FIBP: variants seen among roughly 807,000 people sequenced by gnomAD.
FIBP encodes the protein FGF1 intracellular binding protein.
Under a neutral mutation model 40.5 loss-of-function variants are expected in FIBP, and 29 were observed. That is an observed-to-expected ratio of 0.72 (90% CI 0.53 to 0.98). The LOEUF is 0.98. Ranked by LOEUF, FIBP falls within the 50% of genes least tolerant of loss-of-function variation. The probability of loss-of-function intolerance (pLI) is 0.00; values close to 1 mark genes in which losing one functional copy is unlikely to be tolerated. For synonymous variants in FIBP, 215 were observed against 191.1 expected (o/e 1.13, Z -1.03); for missense variants, 411 against 470.2 (o/e 0.87, Z 1.16).
At chr11:65,884,760 C>T in intron 7 of FIBP, 104 bp from the exon 8 acceptor site, 1 of 1,347,232 alleles carries the variant, frequency 7.4e-7, no homozygotes, top group Non-Finnish European at 1.1e-6. Flanking sequence ...GATCCATCCA[C>T]CTCCCTCCAT....
Position 65,884,057 on chromosome 11 carries a change from A to C in FIBP, c.1005-14T>G. On this transcript the variant is annotated splice_polypyrimidine_tract_variant and intron_variant, in intron 9 of 9. Coordinates refer to ENST00000357519, the MANE Select transcript of FIBP (RefSeq NM_004214.5). ...AGGGCCTGGTGTCTGTAAGAACATG[A>C]ACAGTGACAGCTGAGTTTTCACAAC... The C allele has an allele frequency of 6.2e-7, 1 of 1,610,134 alleles. No individual in the cohort carries two copies. The highest frequency in any genetic ancestry group is 8.5e-7 in the Non-Finnish European group (1 of 1,177,210).
At chr11:65,887,259 A>G (rs1413458220) in intron 3 of FIBP, 3 of 365,406 alleles carry the variant, frequency 8.2e-6, no homozygotes, top group Non-Finnish European at 1.6e-5. Flanking sequence ...AAGCCTGGCC[A>G]ACATGGTGAA....
intron 9 of FIBP, 128 bp downstream of exon 9, chr11:65,884,264 T>C (rs1860168285): frequency 1.5e-5 from 13 of 885,244 alleles, no homozygotes; most frequent in Middle Eastern, 2.8e-4. Flanking sequence ...GCCAGAGCTT[T>C]GGTCCAGAGA....
Position 65,887,705 on chromosome 11 carries a change from G to T in FIBP, c.306C>A (p.Ala102=). The change falls in exon 3 of 10, where the codon GCC becomes GCA. Residue 102 remains alanine, a synonymous_variant. Coordinates refer to ENST00000357519, the MANE Select transcript of FIBP (RefSeq NM_004214.5). ...LIERYYAFDE[A]FVREVLGKKL... is the part of the protein sequence containing the mutation. ...TCTTGCCCAGCACCTCCCGAACAAA[G>T]GCCTCATCAAAGGCATAGTACCTTG... The T allele has an allele frequency of 1.2e-6, 2 of 1,614,116 alleles. No homozygotes were observed. The highest frequency in any genetic ancestry group is 1.7e-6 in the Non-Finnish European group (2 of 1,180,034).
At position 65,885,072 on chromosome 11, in the gene FIBP, G is replaced by C; in HGVS notation, c.755+6C>G. The C allele has an allele frequency of 6.2e-7, 1 of 1,613,834 alleles. No individual in the cohort carries two copies. Among genetic ancestry groups the C allele is most frequent in the Non-Finnish European group, 8.5e-7 (1 of 1,179,722 alleles). ...GGCCCCGCCCCATGGGCCCCTACAAGGTCACCTCTTGTGCAGGTCCAGAAG... is the reference window on the plus strand; with the variant it reads ...GGCCCCGCCCCATGGGCCCCTACAACGTCACCTCTTGTGCAGGTCCAGAAG... On this transcript the variant is annotated splice_donor_region_variant and intron_variant, in intron 6 of 9. Coordinates refer to ENST00000357519, the MANE Select transcript of FIBP (RefSeq NM_004214.5).
intron 3 of FIBP, chr11:65,887,171 G>C (rs1338742846): frequency 5.9e-6 from 2 of 337,144 alleles, no homozygotes; most frequent in African/African-American, 2.2e-5. Flanking sequence ...AGGGAGCCAG[G>C]CACGGTGGCT....
At position 65,887,639 on chromosome 11, in the gene FIBP, G is replaced by A. The variant is rs1013707722; in HGVS notation, c.372C>T (p.Ser124=). ...TCTTGAGGGTGATGCCTGTTTTGGT[G>A]CTGATGTCATCCAGGTCTTTCTTGG... is the stretch of plus-strand genomic sequence containing the variant. ...KGTKKDLDDI[S]TKTGITLKSC... Residue 124 remains serine (S), a synonymous_variant, in exon 3 of 10, where the codon AGC becomes AGT. Transcript: ENST00000357519. 10 of 1,614,018 alleles carry A rather than the reference G, an allele frequency of 6.2e-6. No homozygotes were observed. In the African/African-American group the frequency reaches 1.3e-4, roughly 22 times the overall value.
In FIBP at chr11:65,888,402, T is replaced by C; in HGVS notation, c.17A>G (p.Asp6Gly). The C allele has an allele frequency of 6.4e-7, 1 of 1,567,030 alleles. No individual in the cohort carries two copies. The highest frequency in any genetic ancestry group is 1.9e-5 in the Admixed American group (1 of 53,592). MTSEL[D>G]IFVGNTTLID... ...AAGGGTCGTGTTCCCCACGAAGATG[T>C]CCAGCTCACTGGTCATGGCGACGCC... Residue 6 changes from aspartate to glycine, a missense_variant, in exon 1 of 10, where the codon GAC becomes GGC. Transcript: ENST00000357519.
chr11:65,883,962 T>G lies in FIBP; in HGVS notation c.*12A>C. On this transcript the variant is annotated 3_prime_UTR_variant, in exon 10 of 10. Coordinates refer to ENST00000357519, the MANE Select transcript of FIBP (RefSeq NM_004214.5). ...CTTTATTGTCAGCGTGGGCGGAGCG[T>G]TGGGAGGCACCTCAGTCATGATACA... 4 of 1,613,078 alleles carry G rather than the reference T, an allele frequency of 2.5e-6. No homozygotes were observed. The highest frequency in any genetic ancestry group is 3.4e-6 in the Non-Finnish European group (4 of 1,179,290).
At chr11:65,885,831 G>T in intron 4 of FIBP, 168 bp from the exon 5 acceptor site, 1 of 666,420 alleles carries the variant, frequency 1.5e-6, no homozygotes. Flanking sequence ...TCTGTGCGAA[G>T]AGAAGGTTCC....
chr11:65,887,566 T>C (rs748131179), intron 3 of FIBP, 34 bp downstream of exon 3: 7 of 1,612,402 alleles, frequency 4.3e-6, no homozygotes, highest in Non-Finnish European at 5.1e-6. Context: ...GAAGTGTAGA[T>C]GGGATGCTGT....
At chr11:65,886,125 C>T (rs1860229193) in intron 4 of FIBP, 197 bp downstream of exon 4, 1 of 530,498 alleles carries the variant, frequency 1.9e-6, no homozygotes, top group East Asian at 3.1e-5. Flanking sequence ...AAGATTGCAC[C>T]ATTGCATTCC....
At chr11:65,887,826 C>G (rs1860279087) in intron 2 of FIBP, 100 bp from the exon 3 acceptor site, 2 of 1,594,430 alleles carry the variant, frequency 1.3e-6, no homozygotes, top group African/African-American at 2.7e-5. Flanking sequence ...CCACTCTCAA[C>G]TTTCTGATGG....
chr11:65,888,134 T>G lies in FIBP; in HGVS notation c.86-2A>C, dbSNP rs1249676183. The stretch of plus-strand genomic sequence containing the variant: ...CCCGCAGGGCCACCGCGTCGGTCAC[T>G]GGAAAGCGGACGCTAGCATCAGGCC... On this transcript the variant is annotated splice_acceptor_variant, in intron 1 of 9. Coordinates refer to ENST00000357519, the MANE Select transcript of FIBP (RefSeq NM_004214.5). LOFTEE classifies it high-confidence loss of function. 4 of 1,561,326 alleles carry G rather than the reference T, an allele frequency of 2.6e-6. No homozygotes were observed. The highest frequency in any genetic ancestry group is 2.6e-6 in the Non-Finnish European group (3 of 1,156,236).
chr11:65,888,277 T>C, intron 1 of FIBP, 57 bp downstream of exon 1: 2 of 1,504,026 alleles, frequency 1.3e-6, no homozygotes, highest in Non-Finnish European at 1.8e-6. Flanking sequence ...CCCCGCCCCC[T>C]CTCCCATTCA....
At position 65,885,534 on chromosome 11, in the gene FIBP, G is replaced by A. The variant is rs746504326; in HGVS notation, c.642C>T (p.Ala214=). ...CTGGGTCAGTGGGGGCCTCACCGAC[G>A]GCTCCAAGGGTCCAGTTTTGGATCA... ...ELMIQNWTLG[A]VDSQMDDMDM... is the part of the protein sequence containing the mutation. Residue 214 remains alanine, a synonymous_variant, in exon 5 of 10, where the codon GCC becomes GCT. Coordinates refer to ENST00000357519, the MANE Select transcript of FIBP (RefSeq NM_004214.5). 21 of 1,613,436 alleles carry A rather than the reference G, an allele frequency of 1.3e-5. No individual in the cohort carries two copies. Among genetic ancestry groups the A allele is most frequent in the Non-Finnish European group, 1.7e-5 (20 of 1,179,550 alleles).
At position 65,888,068 on chromosome 11, in the gene FIBP, C is replaced by T. The variant is rs34255955; in HGVS notation, c.150G>A (p.Ala50=). ...GILEQTGATA[A]VLQSDTMDHY... ...GGTCCATGGTGTCGCTCTGCAGCAC[C>T]GCTGCCGTGGCGCCAGTCTGCTCCA... is the stretch of plus-strand genomic sequence containing the variant. The change falls in exon 2 of 10, where the codon GCG becomes GCA. Residue 50 remains alanine, a synonymous_variant. Coordinates refer to ENST00000357519, the MANE Select transcript of FIBP (RefSeq NM_004214.5). 1.9e-6 allele frequency: 3 copies of T among 1,607,964 alleles called. No homozygotes were observed. The highest frequency in any genetic ancestry group is 2.5e-6 in the Non-Finnish European group (3 of 1,178,388).
intron 3 of FIBP, chr11:65,887,108 A>T: frequency 4.4e-6 from 1 of 226,224 alleles, no homozygotes; most frequent in South Asian, 5.4e-5. Context: ...ATTTCAGGTC[A>T]TTCTGAAAGG....
At chr11:65,886,133 T>G in intron 4 of FIBP, 189 bp downstream of exon 4, 3 of 535,690 alleles carry the variant, frequency 5.6e-6, no homozygotes, top group Middle Eastern at 5.1e-4. Flanking sequence ...ACCATTGCAT[T>G]CCAGCCTGGG....
Sources: gnomAD v4.1 joint callset for allele counts on GRCh38, gnomAD v4.1.1 for gene constraint, MANE v1.5 for transcripts, NCBI Gene and HGNC (gene_info 2026-07-23, HGNC 2026-07-21) for gene names.